The following RBMS3 variants were observed in gnomAD, a reference collection of about 807,000 sequenced individuals.
RBMS3 encodes RNA-binding motif, single-stranded-interacting protein 3.
Under a neutral mutation model 66.8 loss-of-function variants are expected in RBMS3, and 27 were observed. The ratio of observed to expected loss-of-function variants is 0.40; its 90% CI spans 0.30 to 0.56. The LOEUF is 0.56. Among genes scored for constraint, RBMS3 ranks in the 20% least tolerant of loss-of-function variants. RBMS3 has a pLI of 0.40. For missense variants in RBMS3, 513 were observed against 549.5 expected (o/e 0.93, Z 0.66); for synonymous variants, 188 against 183.0 (o/e 1.03, Z -0.22).
rs555749024 is a variant in RBMS3 at position 30,003,785 on chromosome 3, G to T, written c.1308-71G>T. 9 of 1,153,014 alleles carry T rather than the reference G, an allele frequency of 7.8e-6. No homozygotes were observed. In the East Asian group the frequency reaches 2.5e-4, roughly 32 times the overall value. The allele number at this position is 1,153,014 out of a possible 1,614,324, so 71.4% of individuals were successfully genotyped here. ...GGTATCTTTTAAAGCTGCCTCATTGGAAAAGGGCACAGAAGGTGATTTCAA... is the reference window on the plus strand; with the variant it reads ...GGTATCTTTTAAAGCTGCCTCATTGTAAAAGGGCACAGAAGGTGATTTCAA... On this transcript the variant is annotated intron_variant, in intron 14 of 14. Coordinates refer to ENST00000383767, the MANE Select transcript of RBMS3 (RefSeq NM_001003793.3).
intron 2 of RBMS3, among the ~76,000 whole-genome samples, chr3:29,456,490 C>T (rs1472379388): frequency 2.0e-5 from 3 of 152,082 alleles, no homozygotes; most frequent in East Asian, 1.9e-4. Context: ...TAATTCACTC[C>T]GGAGAACAAT....
At chr3:29,937,344 A>G (rs2061292320) in intron 11 of RBMS3, among the ~76,000 whole-genome samples, 1 of 152,014 alleles carries the variant, frequency 6.6e-6, no homozygotes, top group African/African-American at 2.4e-5. Flanking sequence ...TTCTCCAAAT[A>G]TCTATGTACA....
intron 5 of RBMS3, among the ~76,000 whole-genome samples, chr3:29,743,526 T>G (rs993907035): frequency 1.3e-5 from 2 of 152,166 alleles, no homozygotes; most frequent in Non-Finnish European, 2.9e-5. Context: ...ATTAACAGTC[T>G]GGTGGTGAGG....
At chr3:29,627,300 G>GTCTCTCTC (rs111643715) in intron 4 of RBMS3, among the ~76,000 whole-genome samples, 19 of 147,060 alleles carry the variant, frequency 1.3e-4, no homozygotes, top group African/African-American at 4.7e-4. Flanking sequence ...CTCTCTCTCT[G>GTCTCTCTC]TCTCTCTCTC....
chr3:29,928,935 A>T (rs1015247854), intron 10 of RBMS3, among the ~76,000 whole-genome samples: 1 of 152,226 alleles, frequency 6.6e-6, no homozygotes, highest in East Asian at 1.9e-4. Flanking sequence ...GCTGATGAAC[A>T]CAAGTTCACC....
rs2045424218 is a variant in RBMS3, at chr3:29,533,009, T to C, written c.307+44510T>C. ...TAGGTACTGCCTTAAAAGTTTCTGA[T>C]TACTTTTCTCTCACATGCCTTTATC... On this transcript the variant is annotated intron_variant, in intron 3 of 14. Coordinates refer to ENST00000383767, the MANE Select transcript of RBMS3 (RefSeq NM_001003793.3). 2.0e-5 allele frequency among the ~76,000 whole-genome samples: 3 copies of C among 152,330 alleles called. No individual in the cohort carries two copies. In the South Asian group the frequency reaches 6.2e-4, roughly 32 times the overall value.
At chr3:29,648,739 A>T (rs1484089246) in intron 4 of RBMS3, among the ~76,000 whole-genome samples, 1 of 152,126 alleles carries the variant, frequency 6.6e-6, no homozygotes, top group Admixed American at 6.6e-5. Flanking sequence ...ACATGTCCAA[A>T]TATTTTTTTA....
chr3:29,814,294 C>T (rs1027345781), intron 6 of RBMS3, among the ~76,000 whole-genome samples: 21 of 152,156 alleles, frequency 1.4e-4, no homozygotes, highest in African/African-American at 3.1e-4. Context: ...TATTGATTTG[C>T]GTGTATTGAA....
In RBMS3 at chr3:29,543,009, G is replaced by A. The variant is rs190087384; in HGVS notation, c.308-44105G>A. On this transcript the variant is annotated intron_variant, in intron 3 of 14. Transcript: ENST00000383767. The stretch of plus-strand genomic sequence containing the variant: ...TAAAACATGGGTTATAGTCACTGTG[G>A]GAAAGAATCCACTGCATAGCGTCCC... Among the ~76,000 whole-genome samples, 153 of 152,238 alleles carry A rather than the reference G, an allele frequency of 1.0e-3. 1 individual carries two copies. The highest frequency in any genetic ancestry group is 3.6e-3 in the African/African-American group (149 of 41,550).
intron 6 of RBMS3, among the ~76,000 whole-genome samples, chr3:29,797,361 C>T (rs996243414): frequency 4.6e-5 from 7 of 152,160 alleles, no homozygotes; most frequent in Non-Finnish European, 7.3e-5. Context: ...TCTCACCTCT[C>T]GTAGCCTTCA....
intron 12 of RBMS3, among the ~76,000 whole-genome samples, chr3:29,963,192 C>G (rs1219497718): frequency 6.6e-6 from 1 of 152,146 alleles, no homozygotes; most frequent in Non-Finnish European, 1.5e-5. Flanking sequence ...CATATTTAAA[C>G]ATCATTTCCC....
At chr3:29,685,771 G>A (rs941404396) in intron 4 of RBMS3, among the ~76,000 whole-genome samples, 1 of 152,148 alleles carries the variant, frequency 6.6e-6, no homozygotes, top group Non-Finnish European at 1.5e-5. Context: ...GGACATCCCT[G>A]CATCATCACT....
intron 4 of RBMS3, among the ~76,000 whole-genome samples, chr3:29,636,707 A>G (rs1559526915): frequency 6.6e-6 from 1 of 151,956 alleles, no homozygotes; most frequent in Non-Finnish European, 1.5e-5. Flanking sequence ...CACCTCAGGC[A>G]TAAATGTATT....
At chr3:29,370,064 G>A (rs1233238542) in intron 1 of RBMS3, among the ~76,000 whole-genome samples, 1 of 152,164 alleles carries the variant, frequency 6.6e-6, no homozygotes, top group African/African-American at 2.4e-5. Flanking sequence ...TACATTCAGG[G>A]ATGATGGACA....
intron 6 of RBMS3, among the ~76,000 whole-genome samples, chr3:29,852,770 G>C (rs2058968721): frequency 6.6e-6 from 1 of 152,110 alleles, no homozygotes; most frequent in Non-Finnish European, 1.5e-5. Flanking sequence ...AAAGACCTAC[G>C]AATAGAAATA....
intron 14 of RBMS3, among the ~76,000 whole-genome samples, chr3:29,997,405 C>A (rs976025537): frequency 1.0e-4 from 15 of 149,424 alleles, no homozygotes; most frequent in Middle Eastern, 3.4e-3. Flanking sequence ...GGAATCCTCC[C>A]TAACTCATTT....
chr3:29,966,401 G>A (rs1696851284), intron 12 of RBMS3, among the ~76,000 whole-genome samples: 1 of 152,038 alleles, frequency 6.6e-6, no homozygotes, highest in Non-Finnish European at 1.5e-5. Flanking sequence ...ATATTTTGTA[G>A]TTTTGCTTGT....
intron 4 of RBMS3, among the ~76,000 whole-genome samples, chr3:29,734,675 G>A (rs1041947745): frequency 1.3e-5 from 2 of 152,058 alleles, no homozygotes; most frequent in Non-Finnish European, 1.5e-5. Context: ...TCTACTCAAA[G>A]TTTGTTACTT....
intron 2 of RBMS3, among the ~76,000 whole-genome samples, chr3:29,447,331 AATAG>A (rs2041868098): frequency 6.6e-6 from 1 of 152,236 alleles, no homozygotes; most frequent in Admixed American, 6.5e-5. Context: ...TTCAATTATA[AATAG>A]ATAAATTCAG....
Sources: allele counts gnomAD v4.1 joint callset (sites outside exome capture counted in the v4.1 genomes callset), GRCh38; gene constraint gnomAD v4.1.1; transcripts MANE v1.5; gene names NCBI Gene and HGNC (gene_info 2026-07-23, HGNC 2026-07-21).